PKIG: variants seen among roughly 807,000 people sequenced by gnomAD.
PKIG encodes the protein cAMP-dependent protein kinase inhibitor gamma.
Under a neutral mutation model 6.8 loss-of-function variants are expected in PKIG, and 1 was observed. The observed-to-expected ratio is 0.15, with a 90% CI of 0.05 to 0.69. PKIG has a LOEUF of 0.69. PKIG is among the 30% of genes least tolerant of loss of function. The pLI is 0.82. For missense variants in PKIG, 77 were observed against 104.0 expected (o/e 0.74, Z 1.13); for synonymous variants, 39 against 43.0 (o/e 0.91, Z 0.36).
At chr20:44,543,503 A>G (rs554190419) in intron 1 of PKIG, among the ~76,000 whole-genome samples, 2 of 152,274 alleles carry the variant, frequency 1.3e-5, no homozygotes, top group South Asian at 4.1e-4. Flanking sequence ...TTCTCAAAAT[A>G]TTTGCATAAC....
intron 3 of PKIG, 74 bp from the exon 4 acceptor site, chr20:44,618,211 G>A (rs555863382): frequency 2.6e-5 from 25 of 955,476 alleles, no homozygotes; most frequent in Non-Finnish European, 4.1e-5. Flanking sequence ...GTTTGGCTGG[G>A]CCCTTTCACA....
chr20:44,568,398 T>G (rs571947860), intron 1 of PKIG, among the ~76,000 whole-genome samples: 1 of 152,158 alleles, frequency 6.6e-6, no homozygotes, highest in East Asian at 1.9e-4. Context: ...GTTTCTTCCA[T>G]TTTTTTCTAC....
intron 1 of PKIG, among the ~76,000 whole-genome samples, chr20:44,585,868 G>T (rs2064986170): frequency 6.6e-6 from 1 of 152,220 alleles, no homozygotes; most frequent in Non-Finnish European, 1.5e-5. Flanking sequence ...TTTCGATTTA[G>T]ACAATCTAGA....
chr20:44,595,059 C>T (rs577145700), intron 2 of PKIG, among the ~76,000 whole-genome samples: 2 of 152,310 alleles, frequency 1.3e-5, no homozygotes, highest in East Asian at 3.9e-4. Flanking sequence ...TGGCCAAGGC[C>T]ATTTTAGGAA....
chr20:44,542,819 C>A (rs1357013536), intron 1 of PKIG, among the ~76,000 whole-genome samples: 1 of 152,334 alleles, frequency 6.6e-6, no homozygotes, highest in Middle Eastern at 3.4e-3. Context: ...TCTCGAACTC[C>A]TGACCTCAAG....
Position 44,573,301 on chromosome 20 carries a change from T to G in PKIG, c.-240-9284T>G, listed in dbSNP as rs140374698. Among the ~76,000 whole-genome samples the G allele has an allele frequency of 6.8e-3, 1,036 of 152,410 alleles. 18 individuals carry two copies. Among genetic ancestry groups the G allele is most frequent in the African/African-American group, 0.023 (971 of 41,600 alleles). ...CTCTCTCTCTCTTTAAAATTCCTGCTTTAGCTGCATTGCTGCATTCATGTG... is the reference window on the plus strand; with the variant it reads ...CTCTCTCTCTCTTTAAAATTCCTGCGTTAGCTGCATTGCTGCATTCATGTG... On this transcript the variant is annotated intron_variant, in intron 1 of 4. Coordinates refer to the PKIG transcript ENST00000372887.
intron 1 of PKIG, among the ~76,000 whole-genome samples, chr20:44,584,489 A>C (rs934250711): frequency 6.1e-5 from 7 of 115,218 alleles, no homozygotes; most frequent in African/African-American, 1.3e-4. Flanking sequence ...GCCAGAGTGC[A>C]AAAAAAAAAA....
chr20:44,560,362 T>C (rs1227980600), intron 1 of PKIG, among the ~76,000 whole-genome samples: 2 of 152,216 alleles, frequency 1.3e-5, no homozygotes, highest in Non-Finnish European at 2.9e-5. Context: ...AACTGGCTTT[T>C]AACTTACAAG....
At chr20:44,586,463 C>G (rs948725621) in intron 1 of PKIG, among the ~76,000 whole-genome samples, 23 of 152,172 alleles carry the variant, frequency 1.5e-4, no homozygotes, top group African/African-American at 5.5e-4. Flanking sequence ...TTTCCTGTCA[C>G]CCAGTCAAGT....
At chr20:44,548,732 T>C (rs893884569) in intron 1 of PKIG, among the ~76,000 whole-genome samples, 2 of 152,156 alleles carry the variant, frequency 1.3e-5, no homozygotes, top group East Asian at 3.8e-4. Flanking sequence ...TTAGCTACTT[T>C]CCTAAAGCCA....
intron 3 of PKIG, among the ~76,000 whole-genome samples, chr20:44,615,742 T>G (rs940598997): frequency 3.9e-5 from 6 of 152,178 alleles, no homozygotes; most frequent in Admixed American, 2.0e-4. Context: ...AGCCCTAGTC[T>G]TCTTGCCCCT....
At chr20:44,535,497 T>A (rs1396338211) in intron 1 of PKIG, among the ~76,000 whole-genome samples, 1 of 152,100 alleles carries the variant, frequency 6.6e-6, no homozygotes, top group African/African-American at 2.4e-5. Context: ...AAAAATTAGC[T>A]GGGTGTAGTG....
chr20:44,594,374 TCA>T (rs1253926274), intron 2 of PKIG, among the ~76,000 whole-genome samples: 1 of 152,216 alleles, frequency 6.6e-6, no homozygotes, highest in African/African-American at 2.4e-5. Flanking sequence ...GAATTTTGCC[TCA>T]CAGATTTCAT....
intron 2 of PKIG, among the ~76,000 whole-genome samples, chr20:44,600,773 T>C (rs1272399917): frequency 1.3e-5 from 2 of 151,242 alleles, no homozygotes; most frequent in African/African-American, 4.9e-5. Context: ...TCAGGGATGG[T>C]CCTGGGTTTC....
At chr20:44,538,122 G>A (rs924672773) in intron 1 of PKIG, among the ~76,000 whole-genome samples, 1 of 152,192 alleles carries the variant, frequency 6.6e-6, no homozygotes, top group African/African-American at 2.4e-5. Context: ...GGGTCCAGAT[G>A]GATTCAGCCC....
At chr20:44,541,640 T>C (rs975690881) in intron 1 of PKIG, among the ~76,000 whole-genome samples, 1 of 152,120 alleles carries the variant, frequency 6.6e-6, no homozygotes, top group Non-Finnish European at 1.5e-5. Context: ...TGTTTTCTTG[T>C]AGCTTTTAAG....
intron 1 of PKIG, among the ~76,000 whole-genome samples, chr20:44,558,191 A>G (rs905271756): frequency 6.6e-6 from 1 of 152,210 alleles, no homozygotes; most frequent in Non-Finnish European, 1.5e-5. Flanking sequence ...TGCTTTTTAA[A>G]TTGTCCTCAT....
intron 1 of PKIG, among the ~76,000 whole-genome samples, chr20:44,546,453 A>G (rs564775299): frequency 9.9e-5 from 15 of 152,116 alleles, no homozygotes; most frequent in African/African-American, 1.7e-4. Flanking sequence ...CTGTGTATCA[A>G]TTGAAATGAA....
At chr20:44,551,404 C>G (rs993717863) in intron 1 of PKIG, among the ~76,000 whole-genome samples, 2 of 152,148 alleles carry the variant, frequency 1.3e-5, no homozygotes, top group Non-Finnish European at 2.9e-5. Flanking sequence ...TACATTGCCT[C>G]TAAAATCATG....
Sources: allele counts gnomAD v4.1 joint callset (sites outside exome capture counted in the v4.1 genomes callset), GRCh38; gene constraint gnomAD v4.1.1; transcripts MANE v1.5; gene names NCBI Gene and HGNC (gene_info 2026-07-23, HGNC 2026-07-21).